The following CBLB variants were observed in gnomAD, a reference collection of about 807,000 sequenced individuals.
The protein encoded by CBLB is E3 ubiquitin-protein ligase CBL-B.
A neutral mutation model predicts 104.9 loss-of-function variants in CBLB; 31 were observed. The observed-to-expected ratio is 0.30, with a 90% confidence interval of 0.22 to 0.40. The LOEUF (loss-of-function observed/expected upper bound fraction) is 0.40. Among genes scored for constraint, CBLB ranks in the 10% least tolerant of loss-of-function variants. CBLB has a pLI of 1.00. For missense variants in CBLB, 1,062 were observed against 1,214.6 expected, an observed-to-expected ratio of 0.87 and a Z score of 1.87; for synonymous variants, 440 against 422.6, an observed-to-expected ratio of 1.04 and a Z score of -0.51.
chr3:105,690,903 CA>C (rs1316205478), intron 13 of CBLB, among the ~76,000 whole-genome samples: 3 of 151,338 alleles, frequency 2.0e-5, no homozygotes, highest in African/African-American at 7.3e-5. Flanking sequence ...CTGTTCACAT[CA>C]GCATTCCATG....
At chr3:105,729,731 C>T (rs774252782) in intron 9 of CBLB, among the ~76,000 whole-genome samples, 2 of 152,082 alleles carry the variant, frequency 1.3e-5, no homozygotes, top group Non-Finnish European at 2.9e-5. Context: ...GTCAAGTGAG[C>T]ACAGCTAGGT....
chr3:105,656,382 A>T lies in CBLB; in HGVS notation c.*2588T>A, dbSNP rs933007870. The stretch of plus-strand genomic sequence containing the variant: ...TCTGGATCACTTCCAGACATCAACG[A>T]GCAGTCGCTTTTACAATAAAAAAAA... On this transcript the variant is annotated 3_prime_UTR_variant, in exon 19 of 19. Transcript: ENST00000394030. The T allele has an allele frequency of 4.9e-6, 1 of 203,054 alleles. No individual in the cohort carries two copies. Among genetic ancestry groups the T allele is most frequent in the Non-Finnish European group, 1.0e-5 (1 of 99,068 alleles). 12.6% of individuals were successfully genotyped at this position (203,054 alleles called of 1,614,324 possible).
chr3:105,760,494 T>C (rs1177502756), intron 4 of CBLB, among the ~76,000 whole-genome samples: 1 of 152,090 alleles, frequency 6.6e-6, no homozygotes, highest in African/African-American at 2.4e-5. Flanking sequence ...AAGATACCTT[T>C]GATATGCTGA....
intron 3 of CBLB, among the ~76,000 whole-genome samples, chr3:105,785,001 CTTTTCCCTACCCCTTCCCATATGTG>C (rs2080802357): frequency 6.6e-6 from 1 of 152,142 alleles, no homozygotes; most frequent in Admixed American, 6.5e-5. Context: ...CACATGGAAT[CTTTTCCCTACCCCTTCCCATATGTG>C]ACATGCCACA....
chr3:105,662,927 T>G (rs1402111216), intron 18 of CBLB, among the ~76,000 whole-genome samples: 2 of 151,930 alleles, frequency 1.3e-5, no homozygotes, highest in Non-Finnish European at 2.9e-5. Context: ...TGTTACCACT[T>G]GAGACTGTCA....
intron 10 of CBLB, among the ~76,000 whole-genome samples, chr3:105,707,839 T>C (rs1181860243): frequency 6.6e-6 from 1 of 151,734 alleles, no homozygotes; most frequent in African/African-American, 2.4e-5. Context: ...AAAAGTCTGC[T>C]CTTTTTTATC....
At chr3:105,697,473 C>G (rs1400729515) in intron 12 of CBLB, among the ~76,000 whole-genome samples, 1 of 151,958 alleles carries the variant, frequency 6.6e-6, no homozygotes, top group Non-Finnish European at 1.5e-5. Context: ...AAAACACAAG[C>G]CTTTACCTTA....
intron 17 of CBLB, among the ~76,000 whole-genome samples, chr3:105,674,498 A>G (rs1335731217): frequency 6.6e-6 from 1 of 152,254 alleles, no homozygotes; most frequent in Non-Finnish European, 1.5e-5. Context: ...TTAGAGAAAC[A>G]GCAAAATAAA....
chr3:105,691,158 C>A (rs943967494), intron 13 of CBLB, among the ~76,000 whole-genome samples: 11 of 152,292 alleles, frequency 7.2e-5, no homozygotes, highest in African/African-American at 2.6e-4. Context: ...CTACAGTGAA[C>A]AACTGCTACC....
intron 12 of CBLB, among the ~76,000 whole-genome samples, chr3:105,698,605 CAA>C (rs34896633): frequency 3.7e-3 from 300 of 80,774 alleles, no homozygotes; most frequent in Non-Finnish European, 5.4e-3. Flanking sequence ...ACCATTTGAC[CAA>C]AAAAAAAAAA....
intron 10 of CBLB, among the ~76,000 whole-genome samples, chr3:105,709,778 T>A (rs542988708): frequency 6.6e-6 from 1 of 152,066 alleles, no homozygotes; most frequent in South Asian, 2.1e-4. Context: ...ATACTAGACA[T>A]GTAACCGTGT....
At chr3:105,685,603 C>T (rs2066909418) in intron 13 of CBLB, 137 bp from the exon 14 acceptor site, 1 of 731,386 alleles carries the variant, frequency 1.4e-6, no homozygotes, top group South Asian at 1.5e-5. Flanking sequence ...ATCAGAGAAG[C>T]TGTTCTTATA....
At chr3:105,858,692 G>C (rs1449954391) in intron 2 of CBLB, among the ~76,000 whole-genome samples, 1 of 152,136 alleles carries the variant, frequency 6.6e-6, no homozygotes, top group Non-Finnish European at 1.5e-5. Flanking sequence ...TATAGCCATT[G>C]ACTCAAAAAA....
At chr3:105,771,896 C>A (rs1164686687) in intron 4 of CBLB, among the ~76,000 whole-genome samples, 5 of 152,094 alleles carry the variant, frequency 3.3e-5, no homozygotes, top group African/African-American at 1.2e-4. Context: ...GATGACACAA[C>A]AAATGGAAAC....
At chr3:105,770,158 G>A (rs2078695356) in intron 4 of CBLB, among the ~76,000 whole-genome samples, 1 of 151,304 alleles carries the variant, frequency 6.6e-6, no homozygotes, top group Non-Finnish European at 1.5e-5. Context: ...ACAGAATAAT[G>A]TGCAGAGATT....
chr3:105,676,734 C>G (rs1309199356), intron 17 of CBLB, among the ~76,000 whole-genome samples: 1 of 152,154 alleles, frequency 6.6e-6, no homozygotes, highest in Non-Finnish European at 1.5e-5. Context: ...CTCTGTGTCC[C>G]CACTCAAATT....
chr3:105,722,029 TA>T (rs974897710), intron 9 of CBLB, among the ~76,000 whole-genome samples: 1 of 151,650 alleles, frequency 6.6e-6, no homozygotes, highest in Admixed American at 6.6e-5. Context: ...CTTGTCTCTA[TA>T]AAAAATAAAT....
chr3:105,845,749 T>A (rs577921703), intron 3 of CBLB, among the ~76,000 whole-genome samples: 15 of 152,250 alleles, frequency 9.9e-5, no homozygotes, highest in African/African-American at 3.4e-4. Flanking sequence ...TTTGTCTAAA[T>A]AACTTTCTTG....
intron 2 of CBLB, among the ~76,000 whole-genome samples, chr3:105,857,162 T>C (rs1212300629): frequency 6.6e-6 from 1 of 152,228 alleles, no homozygotes; most frequent in African/African-American, 2.4e-5. Flanking sequence ...GTCAGGTATT[T>C]TTTTTCCAGA....
Sources: gnomAD v4.1 joint callset for allele counts (sites outside exome capture counted in the v4.1 genomes callset) on GRCh38, gnomAD v4.1.1 for gene constraint, MANE v1.5 for transcripts, NCBI Gene and HGNC (gene_info 2026-07-23, HGNC 2026-07-21) for gene names.